Variants in CACNA1E observed in about 807,000 individuals in gnomAD.
CACNA1E encodes calcium voltage-gated channel subunit alpha1 E.
CACNA1E carries 40 observed loss-of-function variants against 259.2 expected under a neutral mutation model. The observed-to-expected ratio is 0.15, with a 90% CI of 0.12 to 0.20. CACNA1E has a LOEUF of 0.20. Ranked by LOEUF, CACNA1E falls within the 10% of genes least tolerant of loss-of-function variation. The pLI, the probability that CACNA1E is intolerant of heterozygous loss-of-function variation, is 1.00. For missense variants in CACNA1E, 1,874 were observed against 3,040.1 expected, an observed-to-expected ratio of 0.62 and a Z score of 9.02; for synonymous variants, 1,104 against 1,138.5, an observed-to-expected ratio of 0.97 and a Z score of 0.61.
At chr1:181,434,089 A>G (rs1227907135) in intron 2 of CACNA1E, among the ~76,000 whole-genome samples, 4 of 152,192 alleles carry the variant, frequency 2.6e-5, no homozygotes, top group Non-Finnish European at 1.5e-5. Context: ...TTGTGGAGCA[A>G]CCTTGGGCTT....
rs1007196019 is a variant in CACNA1E at position 181,807,834 on chromosome 1, A to C, written c.*9000A>C. 1 of 151,910 alleles carries C rather than the reference A, an allele frequency of 6.6e-6. No homozygotes were observed. The highest frequency in any genetic ancestry group is 1.5e-5 in the Non-Finnish European group (1 of 67,984). 9.4% of individuals were successfully genotyped at this position (151,910 alleles called of 1,614,324 possible). On this transcript the variant is annotated 3_prime_UTR_variant, in exon 48 of 48. Coordinates refer to ENST00000367573, the MANE Select transcript of CACNA1E (RefSeq NM_001205293.3). ...TTTCTAAGATTCTCTACAACTTTTA[A>C]ATTTTATGTTATTTTTCAATCATAA...
intron 1 of CACNA1E, among the ~76,000 whole-genome samples, chr1:181,354,011 T>C (rs1390095808): frequency 1.3e-5 from 2 of 152,232 alleles, no homozygotes; most frequent in Non-Finnish European, 2.9e-5. Flanking sequence ...TCTCTGAGTG[T>C]GGTCTAATTG....
chr1:181,318,196 T>A (rs1650045662), intron 1 of CACNA1E: 1 of 152,182 alleles, frequency 6.6e-6, no homozygotes, highest in African/African-American at 2.4e-5. Context: ...GGGGCTGCGC[T>A]GCACTCCCCG....
intron 6 of CACNA1E, among the ~76,000 whole-genome samples, chr1:181,601,920 C>G (rs55895634): frequency 0.079 from 12,102 of 152,244 alleles, 589 homozygotes; most frequent in South Asian, 0.21. Flanking sequence ...CACAGTAGCC[C>G]TCTTGCTGCA....
chr1:181,740,628 T>G (rs1334369176), intron 25 of CACNA1E, among the ~76,000 whole-genome samples: 4 of 152,202 alleles, frequency 2.6e-5, no homozygotes, highest in Admixed American at 6.5e-5. Flanking sequence ...CTGTGTCCAC[T>G]GCTTCCTCAG....
At chr1:181,352,194 G>A (rs533883091) in intron 1 of CACNA1E, among the ~76,000 whole-genome samples, 28 of 152,266 alleles carry the variant, frequency 1.8e-4, no homozygotes, top group Non-Finnish European at 2.6e-4. Context: ...CAGGAAAGAG[G>A]GATGAGAAGT....
At chr1:181,481,095 T>A (rs1471881254), upstream of CACNA1E, among the ~76,000 whole-genome samples, 1 of 151,992 alleles carries the variant, frequency 6.6e-6, no homozygotes, top group Non-Finnish European at 1.5e-5. Context: ...AGCACCACCC[T>A]CCCTCCGTTT....
chr1:181,625,005 C>T (rs1572411047), intron 6 of CACNA1E, among the ~76,000 whole-genome samples: 1 of 150,912 alleles, frequency 6.6e-6, no homozygotes, highest in Non-Finnish European at 1.5e-5. Flanking sequence ...TTCATGAGAG[C>T]TCTTGGATGA....
Position 181,421,803 on chromosome 1 carries a change from C to T in CACNA1E, c.434+8223C>T, listed in dbSNP as rs559042251. On this transcript the variant is annotated intron_variant, in intron 2 of 11. Transcript: ENST00000524607. Reference sequence around the variant, plus strand: ...CCCACTGCTACCAATCTCTTCCAAGCCACTATCCTTTGGACCATTGCAATG... The same window carrying T: ...CCCACTGCTACCAATCTCTTCCAAGTCACTATCCTTTGGACCATTGCAATG... Among the ~76,000 whole-genome samples the T allele has an allele frequency of 4.6e-4, 70 of 152,356 alleles. 1 individual carries two copies. In the South Asian group the frequency reaches 0.013, roughly 29 times the overall value.
Position 181,799,069 on chromosome 1 carries a change from A to G in CACNA1E, c.*235A>G. On this transcript the variant is annotated 3_prime_UTR_variant, in exon 48 of 48. Coordinates refer to ENST00000367573, the MANE Select transcript of CACNA1E (RefSeq NM_001205293.3). ...CATAGTTCTGCCTCTTTGCTGGGGA[A>G]AGAAACCAGGAACGTGGAGGGTTAT... 2.4e-6 allele frequency: 1 copy of G among 416,002 alleles called. No homozygotes were observed. The highest frequency in any genetic ancestry group is 3.7e-5 in the East Asian group (1 of 26,930). The allele number at this position is 416,002 out of a possible 1,614,324, so 25.8% of individuals were successfully genotyped here. A position where few individuals can be genotyped will look rare whatever the true frequency, so the allele number is the denominator to read the frequency against.
intron 1 of CACNA1E, among the ~76,000 whole-genome samples, chr1:181,367,018 G>A (rs1654321526): frequency 6.6e-6 from 1 of 152,150 alleles, no homozygotes; most frequent in African/African-American, 2.4e-5. Context: ...GGCCTTCCCT[G>A]CCTAACGTGT....
chr1:181,776,172 G>T lies in CACNA1E; in HGVS notation c.5211G>T (p.Gly1737=). The T allele has an allele frequency of 6.2e-7, 1 of 1,614,008 alleles. No homozygotes were observed. The highest frequency in any genetic ancestry group is 8.5e-7 in the Non-Finnish European group (1 of 1,179,866). ...EYLTRDSSIL[G]PHHLDEFVRV... The stretch of plus-strand genomic sequence containing the variant: ...TGACTCGGGACTCCTCCATCCTGGG[G>T]CCTCACCACTTGGACGAGTTTGTCC... Residue 1737 remains glycine, a synonymous_variant, in exon 38 of 48, where the codon GGG becomes GGT. Transcript: ENST00000367573. The surrounding 1 kb of genome is among the most constrained non-coding windows in gnomAD (Gnocchi z 4.4).
At chr1:181,616,669 G>A (rs145895101) in intron 6 of CACNA1E, among the ~76,000 whole-genome samples, 4,175 of 151,926 alleles carry the variant, frequency 0.027, 211 homozygotes, top group African/African-American at 0.095. Context: ...AGCTGAGATC[G>A]CACCACTGCT....
intron 1 of CACNA1E, among the ~76,000 whole-genome samples, chr1:181,325,285 C>T (rs1385029750): frequency 6.6e-6 from 1 of 152,176 alleles, no homozygotes; most frequent in Non-Finnish European, 1.5e-5. Context: ...CCCTCACTTC[C>T]CTTTGGGTTT....
chr1:181,681,657 A>G (rs1649984287), intron 7 of CACNA1E, among the ~76,000 whole-genome samples: 2 of 152,188 alleles, frequency 1.3e-5, no homozygotes, highest in African/African-American at 2.4e-5. Flanking sequence ...AGTAAATCAC[A>G]TCAAGTCATT....
chr1:181,701,471 A>G (rs1485148310), intron 7 of CACNA1E, among the ~76,000 whole-genome samples: 2 of 152,198 alleles, frequency 1.3e-5, no homozygotes, highest in Non-Finnish European at 2.9e-5. Context: ...CCACTGAAAT[A>G]TTGTGACTGA....
intron 1 of CACNA1E, among the ~76,000 whole-genome samples, chr1:181,387,251 C>A (rs1031617273): frequency 6.6e-6 from 1 of 152,152 alleles, no homozygotes; most frequent in African/African-American, 2.4e-5. Context: ...GCACCTGTCA[C>A]CACCCTGAAC....
At chr1:181,601,733 C>T (rs1653765831) in intron 6 of CACNA1E, among the ~76,000 whole-genome samples, 1 of 152,194 alleles carries the variant, frequency 6.6e-6, no homozygotes, top group Admixed American at 6.5e-5. Flanking sequence ...TACCCCACTT[C>T]AGAACATCCT....
intron 6 of CACNA1E, among the ~76,000 whole-genome samples, chr1:181,609,880 G>A (rs1225557647): frequency 6.6e-6 from 1 of 152,208 alleles, no homozygotes; most frequent in Non-Finnish European, 1.5e-5. Context: ...GGATGGTCAA[G>A]GGAGTGTTCC....
Sources: allele counts gnomAD v4.1 joint callset (sites outside exome capture counted in the v4.1 genomes callset), GRCh38; gene constraint gnomAD v4.1.1; non-coding constraint Gnocchi (gnomAD v3.1); transcripts MANE v1.5; gene names NCBI Gene and HGNC (gene_info 2026-07-23, HGNC 2026-07-21).